Variants in MPDZ observed in about 807,000 individuals in gnomAD.
MPDZ encodes the protein multiple PDZ domain protein.
MPDZ carries 234 observed loss-of-function variants against 239.1 expected under a neutral mutation model. That is an observed-to-expected ratio of 0.98 (90% CI 0.88 to 1.09). The LOEUF (loss-of-function observed/expected upper bound fraction) is 1.09. Ranked by LOEUF, MPDZ falls within the 50% of genes least tolerant of loss-of-function variation. The pLI, the probability that MPDZ is intolerant of heterozygous loss-of-function variation, is 0.00. For synonymous variants in MPDZ, 1,048 were observed against 881.3 expected (o/e 1.19, Z -3.35); for missense variants, 3,175 against 2,510.0 (o/e 1.26, Z -5.66).
intron 4 of MPDZ, among the ~76,000 whole-genome samples, chr9:13,224,115 T>A (rs1305208655): frequency 6.6e-6 from 1 of 151,744 alleles, no homozygotes; most frequent in Non-Finnish European, 1.5e-5. Flanking sequence ...AGAAATTGAA[T>A]AACATTTTTC....
At position 13,119,563 on chromosome 9, in the gene MPDZ, A is replaced by G. The variant is rs781140848; in HGVS notation, c.5318T>C (p.Leu1773Ser). 4 of 1,613,934 alleles carry G rather than the reference A, an allele frequency of 2.5e-6. No individual in the cohort carries two copies. Among genetic ancestry groups the G allele is most frequent in the Non-Finnish European group, 3.4e-6 (4 of 1,179,840 alleles). Residue 1773 changes from leucine (L) to serine (S), a missense_variant, in exon 39 of 47, where the codon TTA becomes TCA. Leu to Ser is a moderately radical substitution (Grantham distance 145). Coordinates refer to ENST00000319217, the MANE Select transcript of MPDZ (RefSeq NM_001378778.1). ...ACGAACGTCTTCCCCATTCACCATT[A>G]ATATCTGGTCTCCCTGCATCAGTCT... ...DGRLMQGDQI[L>S]MVNGEDVRNA...
In MPDZ at chr9:13,221,456, T is replaced by A; in HGVS notation, c.792A>T (p.Gly264=). Residue 264 remains glycine, a synonymous_variant, in exon 7 of 47, where the codon GGA becomes GGT. Transcript: ENST00000319217. ...HMETIELVND[G]SGLGFGIIGG... ...CTATGATGCCAAATCCCAAACCAGA[T>A]CCATCATTCACCAATTCAATCGTTT... The A allele has an allele frequency of 1.2e-6, 2 of 1,611,300 alleles. No individual in the cohort carries two copies. The highest frequency in any genetic ancestry group is 1.7e-6 in the Non-Finnish European group (2 of 1,178,284).
chr9:13,196,150 T>A lies in MPDZ; in HGVS notation c.1627A>T (p.Arg543Trp). The change falls in exon 13 of 47, where the codon AGG (arginine) becomes TGG (tryptophan). Residue 543 changes from arginine (R) to tryptophan (W), a missense_variant. Arg to Trp is a moderately radical substitution (Grantham distance 101). Coordinates refer to ENST00000319217, the MANE Select transcript of MPDZ (RefSeq NM_001378778.1). The part of the protein sequence containing the change: ...QEAALLTKWQ[R>W]IMGINYEIVV... ...ATTTCATAGTTAATTCCCATAATCC[T>A]TTGCCATTTTGTCAGCAGAGCAGCT... The A allele has an allele frequency of 6.2e-7, 1 of 1,602,126 alleles. No homozygotes were observed. Among genetic ancestry groups the A allele is most frequent in the Non-Finnish European group, 8.5e-7 (1 of 1,173,232 alleles).
chr9:13,214,193 G>T (rs1260568399), intron 10 of MPDZ, among the ~76,000 whole-genome samples: 2 of 151,918 alleles, frequency 1.3e-5, no homozygotes, highest in African/African-American at 4.8e-5. Flanking sequence ...TTGATGAATG[G>T]GTAAATAAAA....
At chr9:13,275,211 G>A (rs1973899756) in intron 1 of MPDZ, among the ~76,000 whole-genome samples, 1 of 152,172 alleles carries the variant, frequency 6.6e-6, no homozygotes, top group Non-Finnish European at 1.5e-5. Context: ...AAATTCACAG[G>A]AAATCCTAAT....
At chr9:13,271,541 CA>C (rs1047252529) in intron 1 of MPDZ, among the ~76,000 whole-genome samples, 5 of 152,174 alleles carry the variant, frequency 3.3e-5, no homozygotes, top group African/African-American at 1.2e-4. Flanking sequence ...GAAAATGATG[CA>C]AAAACCCCAA....
At chr9:13,222,469 T>C in intron 5 of MPDZ, 23 bp from the exon 6 acceptor site, 1 of 1,571,594 alleles carries the variant, frequency 6.4e-7, no homozygotes. Flanking sequence ...CAAAAGGGGA[T>C]AAAAGACAAT....
intron 13 of MPDZ, among the ~76,000 whole-genome samples, chr9:13,194,424 C>T (rs1019143761): frequency 2.6e-5 from 4 of 152,026 alleles, no homozygotes; most frequent in Non-Finnish European, 5.9e-5. Flanking sequence ...GAAGCCATCA[C>T]TCTCAGCAAA....
intron 21 of MPDZ, among the ~76,000 whole-genome samples, chr9:13,172,748 G>T (rs1379139542): frequency 6.6e-6 from 1 of 152,110 alleles, no homozygotes; most frequent in East Asian, 1.9e-4. Context: ...TTAAAGTCAG[G>T]CTGTTGAGGG....
At chr9:13,136,302 A>C (rs1946733209) in intron 30 of MPDZ, 120 bp from the exon 31 acceptor site, 4 of 439,510 alleles carry the variant, frequency 9.1e-6, no homozygotes, top group Non-Finnish European at 1.5e-5. Flanking sequence ...GAACTGTGAC[A>C]CTTACAAATT....
intron 1 of MPDZ, among the ~76,000 whole-genome samples, chr9:13,266,437 C>A (rs1971810000): frequency 6.6e-6 from 1 of 152,208 alleles, no homozygotes; most frequent in African/African-American, 2.4e-5. Context: ...TGTGAACAAT[C>A]ACATTCTCTT....
intron 32 of MPDZ, among the ~76,000 whole-genome samples, chr9:13,128,349 T>G (rs1039923385): frequency 2.6e-5 from 4 of 152,192 alleles, no homozygotes. Flanking sequence ...CAGCTGCCAT[T>G]GTCCTAAGAA....
intron 1 of MPDZ, among the ~76,000 whole-genome samples, 152 bp from the exon 2 acceptor site, chr9:13,250,524 A>C (rs2138008035): frequency 6.6e-6 from 1 of 152,372 alleles, no homozygotes; most frequent in South Asian, 2.1e-4. Context: ...CAGACAATAA[A>C]GTAAACATTT....
intron 6 of MPDZ, among the ~76,000 whole-genome samples, chr9:13,221,919 T>C (rs1036590227): frequency 2.0e-5 from 3 of 152,056 alleles, no homozygotes; most frequent in Non-Finnish European, 4.4e-5. Flanking sequence ...AACAATATAA[T>C]TGTATAATTT....
intron 25 of MPDZ, among the ~76,000 whole-genome samples, chr9:13,149,188 T>G (rs577152991): frequency 1.9e-3 from 292 of 151,640 alleles, no homozygotes; most frequent in African/African-American, 6.7e-3. Context: ...TTATAAACGG[T>G]CATCAAAAAA....
intron 1 of MPDZ, among the ~76,000 whole-genome samples, chr9:13,254,604 A>T (rs972371358): frequency 6.6e-6 from 1 of 152,208 alleles, no homozygotes; most frequent in African/African-American, 2.4e-5. Flanking sequence ...CATATCTGAG[A>T]TATTGCAGGA....
intron 1 of MPDZ, chr9:13,276,458 A>G (rs1454079135): frequency 6.6e-6 from 1 of 152,216 alleles, no homozygotes; most frequent in Non-Finnish European, 1.5e-5. Flanking sequence ...TTATTGTTAT[A>G]AATATGGGGT....
Position 13,250,348 on chromosome 9 carries a change from G to A in MPDZ, c.-33C>T. On this transcript the variant is annotated 5_prime_UTR_variant, in exon 2 of 47. Coordinates refer to ENST00000319217, the MANE Select transcript of MPDZ (RefSeq NM_001378778.1). ...AAAGTTCAGTGTTCTTCTCTGAAAT[G>A]ATTAACAGCAATTAAAATGGAACTC... 1 of 1,566,160 alleles carries A rather than the reference G, an allele frequency of 6.4e-7. No individual in the cohort carries two copies. Among genetic ancestry groups the A allele is most frequent in the South Asian group, 1.2e-5 (1 of 85,618 alleles).
At position 13,137,854 on chromosome 9, in the gene MPDZ, G is replaced by A. The variant is rs901527841; in HGVS notation, c.4200+103C>T. 6.7e-6 allele frequency: 8 copies of A among 1,190,680 alleles called. No individual in the cohort carries two copies. The African/African-American group carries it at 1.1e-4, about 16-fold the overall frequency. 73.8% of individuals were successfully genotyped at this position (1,190,680 alleles called of 1,614,324 possible). ...GCATCTATTTTATTAAGCAAGCAAT[G>A]GCTTTCTCAGTCACTATAAGGTATG... On this transcript the variant is annotated intron_variant, in intron 29 of 46. Transcript: ENST00000319217.
Sources: gnomAD v4.1 joint callset for allele counts (sites outside exome capture counted in the v4.1 genomes callset) on GRCh38, gnomAD v4.1.1 for gene constraint, MANE v1.5 for transcripts, NCBI Gene and HGNC (gene_info 2026-07-23, HGNC 2026-07-21) for gene names.